Variants in PLCG2 observed in about 807,000 individuals in gnomAD.
PLCG2 encodes phospholipase C gamma 2, also known as 1-phosphatidylinositol 4,5-bisphosphate phosphodiesterase gamma-2.
In PLCG2, 69 loss-of-function variants were observed where a neutral mutation model predicts 175.6. The observed-to-expected ratio is 0.39, with a 90% CI of 0.32 to 0.48. The LOEUF is 0.48. Ranked by LOEUF, PLCG2 falls within the 20% of genes least tolerant of loss-of-function variation. The probability of loss-of-function intolerance (pLI) is 0.91; values close to 1 mark genes in which losing one functional copy is unlikely to be tolerated. For missense variants in PLCG2, 1,798 were observed against 1,650.9 expected (o/e 1.09, Z -1.54); for synonymous variants, 827 against 624.0 (o/e 1.33, Z -4.85).
intron 16 of PLCG2, 111 bp from the exon 17 acceptor site, chr16:81,908,305 C>A: frequency 1.0e-6 from 1 of 970,560 alleles, no homozygotes; most frequent in Non-Finnish European, 1.6e-6. Flanking sequence ...CTGAGGCTGG[C>A]CTCTCTATGT....
intron 22 of PLCG2, among the ~76,000 whole-genome samples, chr16:81,925,969 C>T (rs952180233): frequency 1.4e-4 from 22 of 151,918 alleles, no homozygotes; most frequent in Non-Finnish European, 2.8e-4. Context: ...TAAGATGTGG[C>T]TGCTTGGATG....
intron 2 of PLCG2, among the ~76,000 whole-genome samples, chr16:81,821,718 A>G (rs577679502): frequency 3.4e-4 from 52 of 152,304 alleles, no homozygotes; most frequent in African/African-American, 1.2e-3. Flanking sequence ...TGGAGCGCAG[A>G]GCCCCAAAAT....
intron 29 of PLCG2, among the ~76,000 whole-genome samples, chr16:81,939,260 G>A (rs943368061): frequency 6.6e-6 from 1 of 152,144 alleles, no homozygotes; most frequent in Admixed American, 6.5e-5. Flanking sequence ...GTGAACCTAC[G>A]TGGCTGACCT....
At chr16:81,956,935 G>C (rs1911595259) in intron 32 of PLCG2, 56 bp downstream of exon 32, 1 of 1,451,608 alleles carries the variant, frequency 6.9e-7, no homozygotes, top group South Asian at 1.2e-5. Flanking sequence ...GCACGGTGAT[G>C]ATGGGCACCA....
chr16:81,779,523 C>G (rs1432077300), intron 1 of PLCG2, 99 bp downstream of exon 1: 1 of 151,920 alleles, frequency 6.6e-6, no homozygotes, highest in African/African-American at 2.4e-5. Flanking sequence ...GGGTCTGCGT[C>G]CTGGCTCAGC....
intron 29 of PLCG2, 53 bp from the exon 30 acceptor site, chr16:81,939,839 C>A: frequency 7.8e-7 from 1 of 1,274,910 alleles, no homozygotes; most frequent in Non-Finnish European, 1.1e-6. Flanking sequence ...GATTGTCTTA[C>A]CAGAAGGGGG....
At chr16:81,817,326 A>G (rs1417694115) in intron 2 of PLCG2, among the ~76,000 whole-genome samples, 1 of 152,260 alleles carries the variant, frequency 6.6e-6, no homozygotes, top group African/African-American at 2.4e-5. Context: ...GCAGTTGTGA[A>G]GGTAAAATGA....
intron 7 of PLCG2, among the ~76,000 whole-genome samples, chr16:81,878,183 A>C (rs991803759): frequency 3.3e-5 from 5 of 151,118 alleles, no homozygotes; most frequent in Non-Finnish European, 7.4e-5. Context: ...ATGGGGTTTC[A>C]CTGTGTTAGC....
At chr16:81,841,500 C>G (rs899391519) in intron 2 of PLCG2, among the ~76,000 whole-genome samples, 2 of 152,114 alleles carry the variant, frequency 1.3e-5, no homozygotes, top group African/African-American at 2.4e-5. Context: ...TTCGGCCTCC[C>G]AAGGTGCTGG....
At chr16:81,853,937 C>T (rs1023452938) in intron 2 of PLCG2, among the ~76,000 whole-genome samples, 5 of 152,196 alleles carry the variant, frequency 3.3e-5, no homozygotes, top group African/African-American at 1.2e-4. Context: ...TAATTTGAAT[C>T]AGTTAGTGCC....
intron 1 of PLCG2, among the ~76,000 whole-genome samples, chr16:81,749,760 G>A (rs1464921302): frequency 6.6e-6 from 1 of 152,158 alleles, no homozygotes; most frequent in African/African-American, 2.4e-5. Flanking sequence ...TATGTGTCCA[G>A]CATTTACACA....
chr16:81,803,233 C>A (rs779351936), intron 2 of PLCG2, among the ~76,000 whole-genome samples: 1 of 151,836 alleles, frequency 6.6e-6, no homozygotes, highest in East Asian at 1.9e-4. Flanking sequence ...ATTCTCCTGC[C>A]TCAGCCTCCT....
chr16:81,849,834 AAG>A (rs1304943639), intron 2 of PLCG2, among the ~76,000 whole-genome samples: 2 of 152,106 alleles, frequency 1.3e-5, no homozygotes, highest in East Asian at 1.9e-4. Flanking sequence ...TTTACTGGGA[AAG>A]AGAATTGTTA....
chr16:81,910,720 C>G lies in PLCG2; in HGVS notation c.1934C>G (p.Pro645Arg). Residue 645 changes from proline (P) to arginine (R), a missense_variant and splice_region_variant, in exon 18 of 33, where the codon CCG becomes CGG. Pro to Arg is a moderately radical substitution (Grantham distance 103). Coordinates refer to ENST00000564138, the MANE Select transcript of PLCG2 (RefSeq NM_002661.5). ...VPNPNPHESK[P>R]WYYDSLSRGE... ...AACCCCAACCCCCACGAGTCCAAGC[C>G]GTACGTGTCTGAGGGTGGAGCAGGA... 1.9e-6 allele frequency: 3 copies of G among 1,607,100 alleles called. No individual in the cohort carries two copies. The highest frequency in any genetic ancestry group is 2.5e-6 in the Non-Finnish European group (3 of 1,179,812).
chr16:81,955,289 C>G (rs1481810450), intron 31 of PLCG2, among the ~76,000 whole-genome samples: 3 of 152,160 alleles, frequency 2.0e-5, no homozygotes, highest in Admixed American at 6.5e-5. Flanking sequence ...CCGTGTTTTT[C>G]TAAAAGTAAA....
At chr16:81,781,532 G>T (rs1158098730) in intron 1 of PLCG2, among the ~76,000 whole-genome samples, 1 of 151,936 alleles carries the variant, frequency 6.6e-6, no homozygotes, top group Non-Finnish European at 1.5e-5. Context: ...CGAAGCATAT[G>T]CGTGTTTTGC....
chr16:81,826,013 G>A (rs776472213), intron 2 of PLCG2, among the ~76,000 whole-genome samples: 9 of 152,210 alleles, frequency 5.9e-5, no homozygotes, highest in Non-Finnish European at 1.0e-4. Context: ...TGGAAATGTT[G>A]TCTGGTCGCA....
chr16:81,809,846 G>C (rs1233818330), intron 2 of PLCG2, among the ~76,000 whole-genome samples: 1 of 149,390 alleles, frequency 6.7e-6, no homozygotes, highest in African/African-American at 2.5e-5. Flanking sequence ...GGTGGGGTCA[G>C]AAACCAGCTC....
chr16:81,915,509 G>C (rs1597129459), intron 19 of PLCG2, among the ~76,000 whole-genome samples: 1 of 152,218 alleles, frequency 6.6e-6, no homozygotes, highest in Admixed American at 6.5e-5. Context: ...TTCCAGACCT[G>C]TTCCCATCTC....
Sources: gnomAD v4.1 joint callset for allele counts (sites outside exome capture counted in the v4.1 genomes callset) on GRCh38, gnomAD v4.1.1 for gene constraint, MANE v1.5 for transcripts, NCBI Gene and HGNC (gene_info 2026-07-23, HGNC 2026-07-21) for gene names.